The following DHX34 variants were observed in gnomAD, a reference collection of about 807,000 sequenced individuals.
DHX34 encodes the protein DExH-box helicase 34.
Under a neutral mutation model 111.1 loss-of-function variants are expected in DHX34, and 96 were observed. The observed-to-expected ratio is 0.86, with a 90% CI of 0.73 to 1.02. The LOEUF (loss-of-function observed/expected upper bound fraction) is 1.02, where lower values mean the gene tolerates loss of function less well. Ranked by LOEUF, DHX34 falls within the 50% of genes least tolerant of loss-of-function variation. The pLI, the probability that DHX34 is intolerant of heterozygous loss-of-function variation, is 0.00. For synonymous variants in DHX34, 688 were observed against 670.4 expected, an observed-to-expected ratio of 1.03 and a Z score of -0.41; for missense variants, 1,560 against 1,579.9, an observed-to-expected ratio of 0.99 and a Z score of 0.21.
intron 2 of DHX34, 95 bp from the exon 3 acceptor site, chr19:47,354,944 G>T: frequency 6.5e-7 from 1 of 1,542,740 alleles, no homozygotes; most frequent in Middle Eastern, 1.8e-4. Context: ...GTGAGCCACC[G>T]CACCCGGCCT....
In DHX34 at chr19:47,375,719, T is replaced by C. The variant is rs549190874; in HGVS notation, c.2307+11T>C. 8 of 1,562,646 alleles carry C rather than the reference T, an allele frequency of 5.1e-6. No individual in the cohort carries two copies. In the African/African-American group the frequency reaches 1.1e-4, roughly 21 times the overall value. ...GGCGTGGACATCCAGGTGGGCGCCA[T>C]GGGCTGTGGGGTGTGGGGGTTTACC... On this transcript the variant is annotated intron_variant, in intron 10 of 16. Coordinates refer to ENST00000328771, the MANE Select transcript of DHX34 (RefSeq NM_014681.6).
intron 12 of DHX34, 139 bp downstream of exon 12, chr19:47,376,699 C>T: frequency 6.9e-7 from 1 of 1,444,564 alleles, no homozygotes; most frequent in African/African-American, 1.4e-5. Context: ...GGGGAAGTTC[C>T]AGGGCCAGGC....
At position 47,355,049 on chromosome 19, in the gene DHX34, A is replaced by G. The variant is rs1180283039; in HGVS notation, c.716A>G (p.Gln239Arg). The stretch of plus-strand genomic sequence containing the variant: ...TTTCTCCCACCCCAGGTCGGCTACC[A>G]GATCCGCTTTGAGAGCACACGTTCG... Reference protein sequence around the residue: ...LSQYGSQVGYQIRFESTRSAA... With the variant: ...LSQYGSQVGYRIRFESTRSAA... The change falls in exon 3 of 17, where the codon CAG becomes CGG. Residue 239 changes from glutamine to arginine, a missense_variant. Coordinates refer to ENST00000328771, the MANE Select transcript of DHX34 (RefSeq NM_014681.6). The G allele has an allele frequency of 1.2e-6, 2 of 1,613,574 alleles. No individual in the cohort carries two copies. The highest frequency in any genetic ancestry group is 4.5e-5 in the East Asian group (2 of 44,896).
intron 6 of DHX34, among the ~76,000 whole-genome samples, chr19:47,366,676 G>A (rs1413267129): frequency 2.0e-5 from 3 of 151,936 alleles, no homozygotes; most frequent in Non-Finnish European, 4.4e-5. Flanking sequence ...CACCTCCTGG[G>A]TTCAAGCGAT....
Position 47,373,690 on chromosome 19 carries a change from G to C in DHX34, c.2054G>C (p.Arg685Pro). Reference sequence around the variant, plus strand: ...CTGTACGAAATGGCCAACCTTCGGCGCCAGTTCAAGGTGAGGCTCGGGAGG... The same window carrying C: ...CTGTACGAAATGGCCAACCTTCGGCCCCAGTTCAAGGTGAGGCTCGGGAGG... ...HRLYEMANLR[R>P]QFKELLEDHG... Residue 685 changes from arginine to proline, a missense_variant, in exon 9 of 17, where the codon CGC becomes CCC. Coordinates refer to ENST00000328771, the MANE Select transcript of DHX34 (RefSeq NM_014681.6). 1 of 1,613,548 alleles carries C rather than the reference G, an allele frequency of 6.2e-7. No individual in the cohort carries two copies. The highest frequency in any genetic ancestry group is 1.1e-5 in the South Asian group (1 of 91,026).
chr19:47,364,359 G>A (rs982503153), intron 6 of DHX34, among the ~76,000 whole-genome samples: 1 of 152,130 alleles, frequency 6.6e-6, no homozygotes, highest in Non-Finnish European at 1.5e-5. Context: ...ACAGGCTCAC[G>A]TGCGGGTGTA....
At chr19:47,379,051 C>T (rs1473318271) in intron 13 of DHX34, among the ~76,000 whole-genome samples, 1 of 152,008 alleles carries the variant, frequency 6.6e-6, no homozygotes, top group East Asian at 1.9e-4. Flanking sequence ...ATCGCTTGAA[C>T]CTGGGAGGTG....
rs1970177509 is a variant in DHX34, at chr19:47,376,808, A to T, written c.2599+248A>T. 5.3e-6 allele frequency: 8 copies of T among 1,514,946 alleles called. No individual in the cohort carries two copies. The East Asian group carries it at 1.7e-4, about 33-fold the overall frequency. The allele number at this position is 1,514,946 out of a possible 1,614,324, so 93.8% of individuals were successfully genotyped here. ...CCAGTGTGGCTGTGCCCAGAGAGTG[A>T]GCACCGGTCAGGGGGCCTGTCCTAT... On this transcript the variant is annotated intron_variant, in intron 12 of 16. Transcript: ENST00000328771.
At chr19:47,365,469 C>G (rs1428296026) in intron 6 of DHX34, among the ~76,000 whole-genome samples, 1 of 152,104 alleles carries the variant, frequency 6.6e-6, no homozygotes, top group East Asian at 1.9e-4. Flanking sequence ...TCAGGCTGGT[C>G]TTGAACTTCT....
chr19:47,373,016 C>G, intron 8 of DHX34, 93 bp downstream of exon 8: 2 of 1,429,436 alleles, frequency 1.4e-6, no homozygotes, highest in Non-Finnish European at 1.8e-6. Flanking sequence ...CACCCTCAGC[C>G]CCACCCTGGG....
At chr19:47,381,551 C>T (rs569811799) in intron 16 of DHX34, 147 of 625,176 alleles carry the variant, frequency 2.4e-4, no homozygotes, top group Middle Eastern at 1.3e-3. Context: ...TGTGGTGTCT[C>T]TGTGTTGCTG....
Position 47,376,379 on chromosome 19 carries a change from G to C in DHX34, c.2482-64G>C, listed in dbSNP as rs529697956. 317 of 1,564,576 alleles carry C rather than the reference G, an allele frequency of 2.0e-4. 1 individual carries two copies. The African/African-American group carries it at 3.0e-3, about 15-fold the overall frequency. The stretch of plus-strand genomic sequence containing the variant: ...GGAACCTGGGCCAGAGGGTGGAGGA[G>C]AGGCATCCTGGGCAGAGGAGAGAGC... On this transcript the variant is annotated intron_variant, in intron 11 of 16. Coordinates refer to ENST00000328771, the MANE Select transcript of DHX34 (RefSeq NM_014681.6).
chr19:47,352,456 G>T (rs1969315428), intron 1 of DHX34, among the ~76,000 whole-genome samples: 1 of 152,170 alleles, frequency 6.6e-6, no homozygotes, highest in South Asian at 2.1e-4. Context: ...TGGGGGAATT[G>T]CTTGAGCCCA....
rs369014615 is a variant in DHX34, at chr19:47,357,901, G to T, written c.1053G>T (p.Thr351=). 6.2e-7 allele frequency: 1 copy of T among 1,613,944 alleles called. No individual in the cohort carries two copies. Residue 351 remains threonine, a synonymous_variant, in exon 4 of 17, where the codon ACG becomes ACT. Transcript: ENST00000328771. ...VYQPQEAEPT[T]SKSEKLDPRP... ...AGCCGCAGGAGGCGGAGCCGACCAC[G>T]TCCAAGTCAGAGAAGCTGGACCCGC...
chr19:47,376,119 C>T, intron 11 of DHX34, 22 bp downstream of exon 11: 1 of 1,531,584 alleles, frequency 6.5e-7, no homozygotes. Flanking sequence ...TCTGCCCCAT[C>T]CTATGTTTTG....
At chr19:47,360,548 C>T (rs1969598212) in intron 5 of DHX34, among the ~76,000 whole-genome samples, 1 of 152,076 alleles carries the variant, frequency 6.6e-6, no homozygotes, top group African/African-American at 2.4e-5. Flanking sequence ...ACGCCCTCAC[C>T]TCATTTCAGG....
Position 47,361,175 on chromosome 19 carries a change from C to T in DHX34, c.1375+1105C>T, listed in dbSNP as rs76610720. Among the ~76,000 whole-genome samples the T allele has an allele frequency of 9.1e-3, 1,389 of 151,952 alleles. 23 individuals carry two copies. Among genetic ancestry groups the T allele is most frequent in the African/African-American group, 0.032 (1,335 of 41,486 alleles). On this transcript the variant is annotated intron_variant, in intron 5 of 16. Transcript: ENST00000328771. ...GAAAAATGACAATGGCAGGCCGTCC[C>T]GGCTGGGCGCGGTGGCTCACACATG...
intron 7 of DHX34, among the ~76,000 whole-genome samples, chr19:47,370,291 G>A (rs1969925438): frequency 6.6e-6 from 1 of 152,162 alleles, no homozygotes; most frequent in South Asian, 2.1e-4. Flanking sequence ...TCCCCCAAAC[G>A]CAGAAAGAAG....
intron 6 of DHX34, 112 bp from the exon 7 acceptor site, chr19:47,366,869 C>T (rs545164191): frequency 7.4e-5 from 102 of 1,387,138 alleles, no homozygotes; most frequent in East Asian, 2.5e-4. Context: ...CCACAACGCC[C>T]GGCCAACACT....
Sources: gnomAD v4.1 joint callset for allele counts (sites outside exome capture counted in the v4.1 genomes callset) on GRCh38, gnomAD v4.1.1 for gene constraint, MANE v1.5 for transcripts, NCBI Gene and HGNC (gene_info 2026-07-23, HGNC 2026-07-21) for gene names.